Variants in C8orf88 observed in about 807,000 individuals in gnomAD.
C8orf88 encodes uncharacterized protein C8orf88.
A neutral mutation model predicts 18.4 loss-of-function variants in C8orf88; 14 were observed. The observed-to-expected ratio is 0.76, with a 90% CI of 0.50 to 1.19. The LOEUF is 1.19. Among genes scored for constraint, C8orf88 ranks in the 50% most tolerant of loss-of-function variants. C8orf88 has a pLI of 0.00. For missense variants in C8orf88, 116 were observed against 134.7 expected, an observed-to-expected ratio of 0.86 and a Z score of 0.69; for synonymous variants, 45 against 42.9, an observed-to-expected ratio of 1.05 and a Z score of -0.19.
chr8:90,976,612 G>C (rs1240956678), intron 3 of C8orf88, among the ~76,000 whole-genome samples: 1 of 151,844 alleles, frequency 6.6e-6, no homozygotes, highest in African/African-American at 2.4e-5. Flanking sequence ...TGATTATACA[G>C]AGATACAAAA....
chr8:90,963,432 G>A (rs1811154374), intron 4 of C8orf88, among the ~76,000 whole-genome samples: 1 of 151,548 alleles, frequency 6.6e-6, no homozygotes, highest in Non-Finnish European at 1.5e-5. Flanking sequence ...TATAAAGCAT[G>A]CAAAGAATGA....
intron 3 of C8orf88, 59 bp from the exon 4 acceptor site, chr8:90,971,200 G>T: frequency 1.1e-6 from 1 of 912,688 alleles, no homozygotes; most frequent in Non-Finnish European, 1.6e-6. Context: ...TATATAATTA[G>T]TTTAACTACC....
intron 1 of C8orf88, among the ~76,000 whole-genome samples, chr8:90,984,735 C>T (rs1343539291): frequency 6.6e-6 from 1 of 152,180 alleles, no homozygotes. Context: ...CCTTGTGCCA[C>T]CGGGTGGAGG....
intron 5 of C8orf88, 124 bp from the exon 6 acceptor site, chr8:90,959,154 A>G: frequency 2.0e-6 from 1 of 492,462 alleles, no homozygotes; most frequent in Non-Finnish European, 3.5e-6. Context: ...GTTACCATAG[A>G]AACTATTAAA....
chr8:90,960,488 T>A (rs1379842562), intron 5 of C8orf88, among the ~76,000 whole-genome samples: 1 of 151,404 alleles, frequency 6.6e-6, no homozygotes, highest in Admixed American at 6.6e-5. Context: ...ATAAAACTTT[T>A]AGAGTATGGG....
At chr8:90,981,064 T>C (rs1811429376) in intron 1 of C8orf88, among the ~76,000 whole-genome samples, 2 of 152,224 alleles carry the variant, frequency 1.3e-5, no homozygotes, top group Non-Finnish European at 2.9e-5. Flanking sequence ...AAATATGCCC[T>C]AATTTATACT....
intron 2 of C8orf88, 143 bp from the exon 3 acceptor site, chr8:90,978,795 A>G: frequency 4.0e-6 from 2 of 496,528 alleles, no homozygotes; most frequent in Non-Finnish European, 7.1e-6. Context: ...CATTCATCCA[A>G]CCTTATGAAA....
Position 90,958,857 on chromosome 8 carries a change from T to C in C8orf88, c.*150A>G, listed in dbSNP as rs188868679. On this transcript the variant is annotated 3_prime_UTR_variant, in exon 6 of 6. Transcript: ENST00000517562. ...ACTGATTAGAAAATTCTTTATATTTTAAAATAGCTCTTTCTCATTTTTAGA... is the reference window on the plus strand; with the variant it reads ...ACTGATTAGAAAATTCTTTATATTTCAAAATAGCTCTTTCTCATTTTTAGA... The C allele has an allele frequency of 1.4e-4, 74 of 538,050 alleles. No individual in the cohort carries two copies. The highest frequency in any genetic ancestry group is 1.2e-3 in the African/African-American group (58 of 46,808). The allele number at this position is 538,050 out of a possible 1,614,324, so 33.3% of individuals were successfully genotyped here.
chr8:90,978,308 C>T (rs2740775), intron 3 of C8orf88, among the ~76,000 whole-genome samples: 79,804 of 151,904 alleles, frequency 0.53, 22,580 homozygotes, highest in Non-Finnish European at 0.64. Flanking sequence ...ATGGGCAGGA[C>T]GGGAAGGAAA....
chr8:90,974,540 C>T (rs1811321597), intron 3 of C8orf88, among the ~76,000 whole-genome samples: 3 of 152,118 alleles, frequency 2.0e-5, no homozygotes, highest in African/African-American at 7.2e-5. Flanking sequence ...ATAGGGCCAG[C>T]TCAGTCCAGT....
chr8:90,962,342 A>T (rs1407154907), intron 4 of C8orf88, among the ~76,000 whole-genome samples: 4 of 151,706 alleles, frequency 2.6e-5, no homozygotes, highest in Non-Finnish European at 5.9e-5. Context: ...ATAAATCAAT[A>T]AAGAAGAAAA....
At chr8:90,965,659 A>T (rs572975238) in intron 4 of C8orf88, among the ~76,000 whole-genome samples, 16 of 151,940 alleles carry the variant, frequency 1.1e-4, no homozygotes, top group South Asian at 2.1e-4. Flanking sequence ...CAATAAATTT[A>T]AAAAAGATTC....
intron 3 of C8orf88, among the ~76,000 whole-genome samples, chr8:90,973,332 G>A (rs1349070640): frequency 6.6e-6 from 1 of 152,106 alleles, no homozygotes; most frequent in Non-Finnish European, 1.5e-5. Flanking sequence ...GTACTGAAGA[G>A]CATGGGAAAA....
At chr8:90,971,803 T>A (rs1299577758) in intron 3 of C8orf88, among the ~76,000 whole-genome samples, 1 of 151,994 alleles carries the variant, frequency 6.6e-6, no homozygotes, top group Non-Finnish European at 1.5e-5. Flanking sequence ...TTTCTTCTGA[T>A]CCCATGCTCA....
intron 4 of C8orf88, among the ~76,000 whole-genome samples, chr8:90,965,658 T>G (rs1811184129): frequency 6.6e-6 from 1 of 151,702 alleles, no homozygotes; most frequent in African/African-American, 2.4e-5. Flanking sequence ...TCAATAAATT[T>G]AAAAAAGATT....
chr8:90,980,054 G>C (rs1020901887), intron 2 of C8orf88, among the ~76,000 whole-genome samples: 2 of 151,864 alleles, frequency 1.3e-5, no homozygotes, highest in African/African-American at 4.8e-5. Context: ...ATAATCACAG[G>C]GCACAGTTTG....
intron 5 of C8orf88, among the ~76,000 whole-genome samples, chr8:90,960,407 A>G (rs1354655332): frequency 6.6e-6 from 1 of 151,424 alleles, no homozygotes; most frequent in Non-Finnish European, 1.5e-5. Flanking sequence ...AGAAAAAGGT[A>G]AAACTTGATG....
At chr8:90,983,721 T>C (rs774511650) in intron 1 of C8orf88, among the ~76,000 whole-genome samples, 2 of 152,072 alleles carry the variant, frequency 1.3e-5, no homozygotes, top group Non-Finnish European at 2.9e-5. Context: ...ACTTCACAGA[T>C]AAGAAACCTG....
At chr8:90,985,327 GGCGCGGGGCGTGGCCTCGGGCGCTGA>G (rs1288280275), upstream of C8orf88, 5 of 151,262 alleles carry the variant, frequency 3.3e-5, no homozygotes, top group Non-Finnish European at 5.9e-5. Context: ...GCCCAGGGCG[GGCGCGGGGCGTGGCCTCGGGCGCTGA>G]GCCTCGAGAG....
Sources: gnomAD v4.1 joint callset for allele counts (sites outside exome capture counted in the v4.1 genomes callset) on GRCh38, gnomAD v4.1.1 for gene constraint, MANE v1.5 for transcripts, NCBI Gene and HGNC (gene_info 2026-07-23, HGNC 2026-07-21) for gene names.